ASTN2: variants seen among roughly 807,000 people sequenced by gnomAD.
ASTN2 encodes the protein astrotactin-2.
Under a neutral mutation model 139.8 loss-of-function variants are expected in ASTN2, and 54 were observed. That is an observed-to-expected ratio of 0.39 (90% CI 0.31 to 0.48). The LOEUF (loss-of-function observed/expected upper bound fraction) is 0.48. ASTN2 is among the 20% of genes least tolerant of loss of function. ASTN2 has a pLI of 0.95. For synonymous variants in ASTN2, 756 were observed against 719.5 expected, an observed-to-expected ratio of 1.05 and a Z score of -0.81; for missense variants, 1,565 against 1,725.1, an observed-to-expected ratio of 0.91 and a Z score of 1.64.
chr9:116,921,830 G>A (rs112850145), intron 10 of ASTN2, among the ~76,000 whole-genome samples: 3,089 of 152,104 alleles, frequency 0.02, 126 homozygotes, highest in African/African-American at 0.071. Flanking sequence ...ACAGTATGGG[G>A]GAAACCACCC....
At chr9:116,581,978 T>C (rs1041862510) in intron 19 of ASTN2, 4 of 152,192 alleles carry the variant, frequency 2.6e-5, no homozygotes, top group East Asian at 1.9e-4. Context: ...AACTACCTTT[T>C]GGGCAAAAGG....
intron 17 of ASTN2, among the ~76,000 whole-genome samples, chr9:116,620,746 A>G (rs1856099223): frequency 6.7e-6 from 1 of 149,476 alleles, no homozygotes; most frequent in Admixed American, 6.6e-5. Context: ...AACCTCACAC[A>G]ATAGATATTA....
At chr9:116,919,102 T>C (rs1834528919) in intron 10 of ASTN2, among the ~76,000 whole-genome samples, 1 of 152,210 alleles carries the variant, frequency 6.6e-6, no homozygotes, top group Non-Finnish European at 1.5e-5. Flanking sequence ...TTTGCGATTG[T>C]ACTCACCAAG....
At chr9:117,120,049 T>TATATATATATATATATATATATATAC (rs1433485798) in intron 4 of ASTN2, among the ~76,000 whole-genome samples, 14 of 129,354 alleles carry the variant, frequency 1.1e-4, no homozygotes, top group African/African-American at 3.8e-4. Flanking sequence ...TATATATATA[T>TATATATATATATATATATATATATAC]ACCCTGAGTA....
At chr9:116,731,586 C>A (rs768089829) in intron 14 of ASTN2, among the ~76,000 whole-genome samples, 63 of 152,094 alleles carry the variant, frequency 4.1e-4, no homozygotes, top group Non-Finnish European at 7.8e-4. Flanking sequence ...CCACCCCTGG[C>A]TAATTTTTTG....
Position 116,868,982 on chromosome 9 carries a change from C to T in ASTN2, c.1890-5249G>A, listed in dbSNP as rs1191659208. On this transcript the variant is annotated intron_variant, in intron 10 of 22. Coordinates refer to ENST00000313400, the MANE Select transcript of ASTN2 (RefSeq NM_001365068.1). ...GGTGGATCACCTGAGGTCAGGAGTT[C>T]GAGACCAGCCTGACCAACATGGTGA... Among the ~76,000 whole-genome samples the T allele has an allele frequency of 3.3e-5, 5 of 152,224 alleles. No individual in the cohort carries two copies. In the South Asian group the frequency reaches 6.2e-4, roughly 19 times the overall value.
intron 2 of ASTN2, among the ~76,000 whole-genome samples, chr9:117,282,959 C>T (rs1239423656): frequency 6.6e-6 from 1 of 151,714 alleles, no homozygotes; most frequent in African/African-American, 2.4e-5. Context: ...CTCCAAGATC[C>T]CACTATATTT....
rs571382699 is a variant in ASTN2 at position 116,684,646 on chromosome 9, C to A, written c.2807-32853G>T. Among the ~76,000 whole-genome samples, 6 of 152,256 alleles carry A rather than the reference C, an allele frequency of 3.9e-5. No homozygotes were observed. In the East Asian group the frequency reaches 1.2e-3, roughly 29 times the overall value. ...GAAGCCCAGCCAGACCTGCATGAGT[C>A]GCTCAGACACTTGAAAGTGGTCCCA... is the stretch of plus-strand genomic sequence containing the variant. On this transcript the variant is annotated intron_variant, in intron 16 of 22. Coordinates refer to ENST00000313400, the MANE Select transcript of ASTN2 (RefSeq NM_001365068.1).
intron 1 of ASTN2, among the ~76,000 whole-genome samples, chr9:117,408,731 C>G (rs1234439639): frequency 6.6e-6 from 1 of 152,154 alleles, no homozygotes. Flanking sequence ...CCCCAAGAAA[C>G]AGCAAATCTG....
Position 116,699,804 on chromosome 9 carries a change from C to T in ASTN2, c.2806+25967G>A. 12 of 1,514,138 alleles carry T rather than the reference C, an allele frequency of 7.9e-6. No individual in the cohort carries two copies. In the South Asian group the frequency reaches 1.4e-4, roughly 17 times the overall value. The allele number at this position is 1,514,138 out of a possible 1,614,324, so 93.8% of individuals were successfully genotyped here. A position where few individuals can be genotyped will look rare whatever the true frequency, so the allele number is the denominator to read the frequency against. On this transcript the variant is annotated intron_variant, in intron 16 of 22. Transcript: ENST00000313400. This position sits in a 1 kb window ranked among gnomAD's most constrained non-coding sequence, Gnocchi z 4.2. The stretch of plus-strand genomic sequence containing the variant: ...ATGCAGAATAGACTCAGCCTATGTC[C>T]TGATTCCAGCTGGGTAGTTCTAGAA...
intron 4 of ASTN2, among the ~76,000 whole-genome samples, chr9:117,129,235 T>C (rs1334243219): frequency 6.6e-6 from 1 of 152,160 alleles, no homozygotes. Flanking sequence ...TCTAGAAATG[T>C]TCTCCTTAAC....
chr9:117,310,356 A>G (rs1827936019), intron 1 of ASTN2, among the ~76,000 whole-genome samples: 1 of 152,112 alleles, frequency 6.6e-6, no homozygotes, highest in Admixed American at 6.6e-5. Flanking sequence ...CAGGCCAGCA[A>G]TATCAGAGTC....
intron 10 of ASTN2, among the ~76,000 whole-genome samples, chr9:116,927,156 A>T (rs1174561307): frequency 1.3e-5 from 2 of 152,168 alleles, no homozygotes; most frequent in Non-Finnish European, 2.9e-5. Flanking sequence ...TGAGGAATGT[A>T]TGTGGCAGGG....
chr9:117,212,517 G>A (rs1832168687), intron 3 of ASTN2, among the ~76,000 whole-genome samples: 1 of 151,786 alleles, frequency 6.6e-6, no homozygotes, highest in African/African-American at 2.4e-5. Context: ...TATCCAATAG[G>A]GAATTAATAT....
chr9:117,088,648 C>A (rs1828627886), intron 5 of ASTN2, among the ~76,000 whole-genome samples: 1 of 152,122 alleles, frequency 6.6e-6, no homozygotes, highest in Non-Finnish European at 1.5e-5. Flanking sequence ...TTAAAACAAG[C>A]AACAAAAACA....
intron 12 of ASTN2, among the ~76,000 whole-genome samples, chr9:116,810,365 G>A (rs1034022177): frequency 2.0e-5 from 3 of 152,198 alleles, no homozygotes; most frequent in Non-Finnish European, 4.4e-5. Flanking sequence ...GACTAACAGA[G>A]TCCAAATGCT....
intron 7 of ASTN2, among the ~76,000 whole-genome samples, chr9:116,978,464 G>A (rs1031382498): frequency 2.7e-5 from 4 of 146,336 alleles, no homozygotes; most frequent in African/African-American, 1.0e-4. Context: ...ATCTCTCTCT[G>A]TATGTATCTC....
chr9:116,450,048 C>A lies in ASTN2; in HGVS notation c.3498-7495G>T, dbSNP rs192005187. On this transcript the variant is annotated intron_variant, in intron 20 of 22. Coordinates refer to ENST00000313400, the MANE Select transcript of ASTN2 (RefSeq NM_001365068.1). ...AAAATCAAATGGTGATTTTAAGCTG[C>A]TAAGTTTTGGGGTCATTTGTTGTGT... Among the ~76,000 whole-genome samples the A allele has an allele frequency of 8.9e-4, 135 of 152,278 alleles. 1 individual carries two copies. The highest frequency in any genetic ancestry group is 7.0e-3 in the Admixed American group (107 of 15,288).
At chr9:116,437,568 A>G (rs998561817) in intron 22 of ASTN2, 1 of 471,008 alleles carries the variant, frequency 2.1e-6, no homozygotes, top group Non-Finnish European at 4.4e-6. Context: ...TATGTCCTGG[A>G]GGCTCATAAA....
Sources: allele counts gnomAD v4.1 joint callset (sites outside exome capture counted in the v4.1 genomes callset), GRCh38; gene constraint gnomAD v4.1.1; non-coding constraint Gnocchi (gnomAD v3.1); transcripts MANE v1.5; gene names NCBI Gene and HGNC (gene_info 2026-07-23, HGNC 2026-07-21).